The following ADGRL2 variants were observed in gnomAD, a reference collection of about 807,000 sequenced individuals.
ADGRL2 encodes calcium-independent alpha-latrotoxin receptor 2.
ADGRL2 carries 44 observed loss-of-function variants against 157.4 expected under a neutral mutation model. The ratio of observed to expected loss-of-function variants is 0.28; its 90% confidence interval spans 0.22 to 0.36. The LOEUF is 0.36. Ranked by LOEUF, ADGRL2 falls within the 10% of genes least tolerant of loss-of-function variation. The pLI is 1.00. For synonymous variants in ADGRL2, 585 were observed against 624.7 expected (o/e 0.94, Z 0.95); for missense variants, 1,510 against 1,768.9 (o/e 0.85, Z 2.63).
chr1:81,321,509 TG>T (rs1355104495), intron 1 of ADGRL2, among the ~76,000 whole-genome samples: 1 of 152,162 alleles, frequency 6.6e-6, no homozygotes, highest in African/African-American at 2.4e-5. Context: ...TAGAGGCCAT[TG>T]TATGGTTATT....
intron 1 of ADGRL2, among the ~76,000 whole-genome samples, chr1:81,361,208 T>G (rs2075972699): frequency 6.6e-6 from 1 of 152,000 alleles, no homozygotes; most frequent in Admixed American, 6.6e-5. Flanking sequence ...TTATTCCCTC[T>G]GAGTGGCGAT....
At chr1:81,928,569 CT>C (rs2095161257) in intron 3 of ADGRL2, among the ~76,000 whole-genome samples, 1 of 151,946 alleles carries the variant, frequency 6.6e-6, no homozygotes, top group African/African-American at 2.4e-5. Flanking sequence ...ATTTTTAAAA[CT>C]TGTGTACCTG....
intron 1 of ADGRL2, among the ~76,000 whole-genome samples, chr1:81,831,929 C>T (rs1292159294): frequency 6.6e-6 from 1 of 151,970 alleles, no homozygotes; most frequent in African/African-American, 2.4e-5. Context: ...TGCTTATTAG[C>T]TGAGTAATTT....
At chr1:81,422,197 T>A (rs1368294806) in intron 1 of ADGRL2, among the ~76,000 whole-genome samples, 2 of 146,646 alleles carry the variant, frequency 1.4e-5, no homozygotes, top group African/African-American at 5.0e-5. Flanking sequence ...CTTTTTTTTT[T>A]AACATAAATT....
chr1:81,490,604 A>G (rs993663383), intron 2 of ADGRL2, among the ~76,000 whole-genome samples: 2 of 152,192 alleles, frequency 1.3e-5, no homozygotes, highest in Admixed American at 1.3e-4. Flanking sequence ...ACAGTGGGAT[A>G]CTACTAACAC....
At chr1:81,941,844 T>G (rs1357799014) in intron 4 of ADGRL2, among the ~76,000 whole-genome samples, 190 bp from the exon 5 acceptor site, 2 of 151,872 alleles carry the variant, frequency 1.3e-5, no homozygotes, top group Non-Finnish European at 2.9e-5. Context: ...TTATGTAACT[T>G]TAGAATCTTT....
At chr1:81,641,934 A>G (rs1300209551) in intron 3 of ADGRL2, among the ~76,000 whole-genome samples, 1 of 152,084 alleles carries the variant, frequency 6.6e-6, no homozygotes, top group East Asian at 1.9e-4. Context: ...TAAGCCTGTA[A>G]TTGGACTAAC....
intron 4 of ADGRL2, among the ~76,000 whole-genome samples, chr1:81,938,658 GTTTTTT>G (rs1179199766): frequency 6.6e-6 from 1 of 151,178 alleles, no homozygotes; most frequent in South Asian, 2.1e-4. Context: ...AAGTCTATGG[GTTTTTT>G]TTAATCACTC....
chr1:81,854,912 C>T (rs2093149611), intron 2 of ADGRL2, among the ~76,000 whole-genome samples: 1 of 147,910 alleles, frequency 6.8e-6, no homozygotes, highest in African/African-American at 2.4e-5. Flanking sequence ...AGCCAGATGA[C>T]TCATGTGGAA....
At chr1:81,390,829 G>T (rs1285158900) in intron 1 of ADGRL2, among the ~76,000 whole-genome samples, 1 of 152,306 alleles carries the variant, frequency 6.6e-6, no homozygotes, top group African/African-American at 2.4e-5. Flanking sequence ...CACTGTGGAT[G>T]GACATTCATT....
intron 3 of ADGRL2, among the ~76,000 whole-genome samples, chr1:81,614,472 C>G (rs2081603375): frequency 6.6e-6 from 1 of 152,166 alleles, no homozygotes; most frequent in Non-Finnish European, 1.5e-5. Context: ...GCATTAAAAT[C>G]TCTTCTTTAT....
At chr1:81,749,553 T>C (rs563010714) in intron 1 of ADGRL2, among the ~76,000 whole-genome samples, 1 of 152,334 alleles carries the variant, frequency 6.6e-6, no homozygotes, top group South Asian at 2.1e-4. Context: ...CTTTGAGAGA[T>C]TTTTATTTTC....
chr1:81,365,134 C>T (rs1570734969), intron 1 of ADGRL2, among the ~76,000 whole-genome samples: 1 of 152,238 alleles, frequency 6.6e-6, no homozygotes, highest in East Asian at 1.9e-4. Flanking sequence ...GGCTTCCTGT[C>T]AGGACATTCC....
intron 2 of ADGRL2, among the ~76,000 whole-genome samples, chr1:81,540,539 A>G (rs2079856933): frequency 6.6e-6 from 1 of 152,222 alleles, no homozygotes; most frequent in Admixed American, 6.5e-5. Flanking sequence ...CCAGCTTTAG[A>G]TAGGGTGATC....
chr1:81,526,135 G>T (rs2079449647), intron 2 of ADGRL2, among the ~76,000 whole-genome samples: 1 of 152,144 alleles, frequency 6.6e-6, no homozygotes, highest in African/African-American at 2.4e-5. Context: ...GTAAAATTAA[G>T]CAGATTTGCA....
intron 2 of ADGRL2, among the ~76,000 whole-genome samples, chr1:81,858,101 A>G (rs905073176): frequency 6.6e-6 from 1 of 152,156 alleles, no homozygotes; most frequent in Non-Finnish European, 1.5e-5. Context: ...ATCATAGAGG[A>G]TAAGAGTTAA....
At chr1:81,712,755 ATTTTTTTTTTTTTTT>A (rs60265943) in intron 1 of ADGRL2, among the ~76,000 whole-genome samples, 1 of 100,250 alleles carries the variant, frequency 1.0e-5, no homozygotes, top group Non-Finnish European at 1.9e-5. Context: ...TGGATCGCGG[ATTTTTTTTTTTTTTT>A]TTTTTTTTTT....
intron 1 of ADGRL2, among the ~76,000 whole-genome samples, chr1:81,832,702 C>A (rs1015831948): frequency 1.3e-5 from 2 of 152,192 alleles, no homozygotes; most frequent in African/African-American, 2.4e-5. Context: ...GTTTTAAAAT[C>A]TCTGTGAGCA....
At chr1:81,917,845 T>G (rs1339525865) in intron 3 of ADGRL2, among the ~76,000 whole-genome samples, 1 of 106,952 alleles carries the variant, frequency 9.3e-6, no homozygotes, top group Non-Finnish European at 2.4e-5. Context: ...TAAAGATAGA[T>G]TCATGGTAAA....
Sources: allele counts gnomAD v4.1 joint callset (sites outside exome capture counted in the v4.1 genomes callset), GRCh38; gene constraint gnomAD v4.1.1; transcripts MANE v1.5; gene names NCBI Gene and HGNC (gene_info 2026-07-23, HGNC 2026-07-21).